The following FUT8 variants were observed in gnomAD, a reference collection of about 807,000 sequenced individuals.
FUT8 encodes fucosyltransferase 8.
In FUT8, 29 loss-of-function variants were observed where a neutral mutation model predicts 71.3. The ratio of observed to expected loss-of-function variants is 0.41; its 90% confidence interval spans 0.30 to 0.55. The LOEUF is 0.55. Ranked by LOEUF, FUT8 falls within the 20% of genes least tolerant of loss-of-function variation. The probability of loss-of-function intolerance (pLI) is 0.34; values close to 1 mark genes in which losing one functional copy is unlikely to be tolerated. For synonymous variants in FUT8, 254 were observed against 239.3 expected, an observed-to-expected ratio of 1.06 and a Z score of -0.57; for missense variants, 544 against 702.1, an observed-to-expected ratio of 0.77 and a Z score of 2.55.
chr14:65,573,468 A>AT (rs1886594122), intron 3 of FUT8, among the ~76,000 whole-genome samples: 1 of 152,240 alleles, frequency 6.6e-6, no homozygotes. Context: ...AGAAAGTAAA[A>AT]TTTTTTATAA....
At chr14:65,591,815 T>G (rs1887702587) in intron 3 of FUT8, among the ~76,000 whole-genome samples, 1 of 151,536 alleles carries the variant, frequency 6.6e-6, no homozygotes, top group South Asian at 2.1e-4. Flanking sequence ...AAGAGAAATG[T>G]GCACTATTGA....
chr14:65,577,269 C>A (rs184397014), intron 3 of FUT8, among the ~76,000 whole-genome samples: 1 of 152,200 alleles, frequency 6.6e-6, no homozygotes, highest in African/African-American at 2.4e-5. Context: ...GTATTTAGTG[C>A]TGAAGTGGCT....
chr14:65,725,218 A>G (rs1895618948), intron 9 of FUT8, among the ~76,000 whole-genome samples: 1 of 152,230 alleles, frequency 6.6e-6, no homozygotes, highest in East Asian at 1.9e-4. Flanking sequence ...ATGGAACAGT[A>G]ACAATTATTT....
chr14:65,716,560 A>G (rs926988135), intron 7 of FUT8, among the ~76,000 whole-genome samples: 13 of 152,262 alleles, frequency 8.5e-5, no homozygotes, highest in African/African-American at 3.1e-4. Context: ...AAGGTTATAG[A>G]TTAACAGCAT....
the FUT8 span, among the ~76,000 whole-genome samples, chr14:65,376,082 C>A: frequency 6.6e-6 from 1 of 150,680 alleles, no homozygotes; most frequent in East Asian, 1.9e-4. Context: ...CAGAGTGAGA[C>A]CCTGTCTCAA....
At chr14:65,599,050 A>G (rs1158328798) in intron 3 of FUT8, among the ~76,000 whole-genome samples, 1 of 152,172 alleles carries the variant, frequency 6.6e-6, no homozygotes, top group Non-Finnish European at 1.5e-5. Context: ...TGGCCTCCCA[A>G]AGTGCTGGGA....
At chr14:65,396,002 AATGTC>A in the FUT8 span, among the ~76,000 whole-genome samples, 5 of 152,232 alleles carry the variant, frequency 3.3e-5, no homozygotes, top group East Asian at 9.7e-4. This position sits in a 1 kb window ranked among gnomAD's most constrained non-coding sequence, Gnocchi z 5.5. Context: ...GCAGGGGCAA[AATGTC>A]ATCCATATCT....
chr14:65,460,370 T>C (rs910609713), intron 2 of FUT8, among the ~76,000 whole-genome samples: 1 of 152,306 alleles, frequency 6.6e-6, no homozygotes, highest in Admixed American at 6.5e-5. Context: ...ATAATCTCTC[T>C]AGGGAAAAAG....
intron 2 of FUT8, among the ~76,000 whole-genome samples, chr14:65,501,452 T>C (rs959477909): frequency 6.6e-6 from 1 of 152,078 alleles, no homozygotes; most frequent in African/African-American, 2.4e-5. Flanking sequence ...GCTGTTGGTA[T>C]GTCTGAGGGG....
intron 2 of FUT8, among the ~76,000 whole-genome samples, chr14:65,523,855 G>T (rs1262099687): frequency 6.6e-6 from 1 of 152,132 alleles, no homozygotes; most frequent in African/African-American, 2.4e-5. Flanking sequence ...GCTTGTTTTT[G>T]TCAGGTTTGT....
At chr14:65,716,076 T>G (rs117675288) in intron 7 of FUT8, among the ~76,000 whole-genome samples, 155 of 152,336 alleles carry the variant, frequency 1.0e-3, no homozygotes, top group Non-Finnish European at 1.5e-3. Context: ...ACTATCCATG[T>G]GCTGAGGAGA....
At chr14:65,435,532 T>G (rs887564312) in intron 1 of FUT8, among the ~76,000 whole-genome samples, 4 of 152,278 alleles carry the variant, frequency 2.6e-5, no homozygotes, top group African/African-American at 7.2e-5. Flanking sequence ...AGCTTATTGC[T>G]GGTTTTTGGC....
the FUT8 span, among the ~76,000 whole-genome samples, chr14:65,390,583 A>T: frequency 6.6e-6 from 1 of 151,996 alleles, no homozygotes; most frequent in African/African-American, 2.4e-5. Context: ...AAGGGTTATT[A>T]TATTACTACA....
At chr14:65,615,837 A>G in intron 3 of FUT8, 141 bp from the exon 4 acceptor site, 1 of 597,752 alleles carries the variant, frequency 1.7e-6, no homozygotes, top group Admixed American at 3.3e-5. Flanking sequence ...CTTTGAAGAG[A>G]AAATTCCATT....
chr14:65,497,240 G>A (rs2066573112), intron 2 of FUT8, among the ~76,000 whole-genome samples: 1 of 152,134 alleles, frequency 6.6e-6, no homozygotes, highest in Non-Finnish European at 1.5e-5. Context: ...GATGAAAGAT[G>A]GGAATGGGCA....
intron 6 of FUT8, among the ~76,000 whole-genome samples, chr14:65,633,328 G>A (rs1375122735): frequency 2.6e-5 from 4 of 152,144 alleles, no homozygotes; most frequent in Non-Finnish European, 5.9e-5. Context: ...GTGCTCAGTG[G>A]TGCCCAGGCT....
chr14:65,705,010 T>C (rs1894489977), intron 7 of FUT8, among the ~76,000 whole-genome samples: 1 of 152,238 alleles, frequency 6.6e-6, no homozygotes. Context: ...TGCCCAGTCA[T>C]TCCCAGAGTG....
intron 7 of FUT8, among the ~76,000 whole-genome samples, chr14:65,677,177 T>A: frequency 1.1e-5 from 1 of 93,728 alleles, no homozygotes; most frequent in Non-Finnish European, 2.2e-5. Flanking sequence ...CGCGCACGTA[T>A]GTGTGTGCGC....
intron 7 of FUT8, among the ~76,000 whole-genome samples, chr14:65,671,375 C>G (rs114102923): frequency 0.025 from 3,803 of 152,228 alleles, 149 homozygotes; most frequent in African/African-American, 0.087. Context: ...GCTTGAATTT[C>G]AAACACTCAG....
Sources: allele counts gnomAD v4.1 joint callset (sites outside exome capture counted in the v4.1 genomes callset), GRCh38; gene constraint gnomAD v4.1.1; non-coding constraint Gnocchi (gnomAD v3.1); transcripts MANE v1.5; gene names NCBI Gene and HGNC (gene_info 2026-07-23, HGNC 2026-07-21).